The following COL14A1 variants were observed in gnomAD, a reference collection of about 807,000 sequenced individuals.
COL14A1 encodes collagen type XIV alpha 1 chain, also known as collagen alpha-1(XIV) chain.
COL14A1 carries 136 observed loss-of-function variants against 230.3 expected under a neutral mutation model. The ratio of observed to expected loss-of-function variants is 0.59; its 90% CI spans 0.51 to 0.68. The LOEUF (loss-of-function observed/expected upper bound fraction) is 0.68. COL14A1 is among the 30% of genes least tolerant of loss of function. The pLI, the probability that COL14A1 is intolerant of heterozygous loss-of-function variation, is 0.00. For synonymous variants in COL14A1, 792 were observed against 784.1 expected (o/e 1.01, Z -0.17); for missense variants, 1,976 against 2,215.8 (o/e 0.89, Z 2.17).
intron 13 of COL14A1, chr8:120,213,996 T>G (rs1817682395): frequency 2.6e-6 from 1 of 378,966 alleles, no homozygotes; most frequent in African/African-American, 2.2e-5. Context: ...AGAATCAGTA[T>G]GTATTGAATT....
At chr8:120,351,676 A>T (rs1822787289) in intron 45 of COL14A1, among the ~76,000 whole-genome samples, 1 of 125,746 alleles carries the variant, frequency 8.0e-6, no homozygotes, top group Non-Finnish European at 1.7e-5. Flanking sequence ...CACTCTCCCA[A>T]GACTAAACCA....
intron 5 of COL14A1, among the ~76,000 whole-genome samples, chr8:120,193,273 G>A (rs931270793): frequency 2.6e-5 from 4 of 152,156 alleles, no homozygotes; most frequent in Non-Finnish European, 5.9e-5. Flanking sequence ...CAGACAGGAC[G>A]CTCGGCTGCA....
intron 13 of COL14A1, among the ~76,000 whole-genome samples, chr8:120,215,415 G>A (rs1264154656): frequency 2.6e-5 from 4 of 151,206 alleles, no homozygotes; most frequent in Admixed American, 2.0e-4. Context: ...AAGGAAGGTA[G>A]GAAGGAAGGA....
chr8:120,176,497 T>C (rs992533250), intron 5 of COL14A1, among the ~76,000 whole-genome samples: 6 of 152,210 alleles, frequency 3.9e-5, no homozygotes, highest in Admixed American at 2.6e-4. Context: ...AGAGATTGAT[T>C]TGAAATTTTA....
chr8:120,149,030 G>A (rs59742638), intron 2 of COL14A1, among the ~76,000 whole-genome samples: 12,017 of 152,150 alleles, frequency 0.079, 1,234 homozygotes, highest in African/African-American at 0.24. Flanking sequence ...TATGTGTCCC[G>A]CAAAGCCAAA....
At chr8:120,224,044 T>TTTTTTTTTG (rs1349033999) in intron 14 of COL14A1, among the ~76,000 whole-genome samples, 1 of 144,932 alleles carries the variant, frequency 6.9e-6, no homozygotes, top group African/African-American at 2.6e-5. Flanking sequence ...TTTTTTTTTT[T>TTTTTTTTTG]GAGACAGAGT....
rs376092608 is a variant in COL14A1, at chr8:120,147,938, A to C, written c.88+8A>C. 1.9e-6 allele frequency: 3 copies of C among 1,606,400 alleles called. No individual in the cohort carries two copies. Among genetic ancestry groups the C allele is most frequent in the Non-Finnish European group, 2.6e-6 (3 of 1,173,568 alleles). ...CCATTGTCCAAGGTCAAGGTAATTGAAAACTTTGAGAATCAGTAGGGTCTG... is the reference window on the plus strand; with the variant it reads ...CCATTGTCCAAGGTCAAGGTAATTGCAAACTTTGAGAATCAGTAGGGTCTG... On this transcript the variant is annotated splice_region_variant and intron_variant, in intron 2 of 47. Transcript: ENST00000297848.
intron 19 of COL14A1, 21 bp downstream of exon 19, chr8:120,231,639 C>G (rs1281725857): frequency 1.2e-6 from 2 of 1,608,210 alleles, no homozygotes; most frequent in African/African-American, 1.3e-5. Context: ...ATTCAACTGA[C>G]TAGAAACTCT....
chr8:120,136,979 A>G (rs1814735462), intron 1 of COL14A1, among the ~76,000 whole-genome samples: 1 of 151,414 alleles, frequency 6.6e-6, no homozygotes, highest in Non-Finnish European at 1.5e-5. Flanking sequence ...AAAAAAAAAA[A>G]AAAAAAAAGG....
chr8:120,175,879 A>G (rs923675319), intron 5 of COL14A1, among the ~76,000 whole-genome samples: 1 of 152,208 alleles, frequency 6.6e-6, no homozygotes, highest in African/African-American at 2.4e-5. Context: ...TCATAATTGC[A>G]TAGGCTGTAC....
chr8:120,149,968 A>G (rs1050593224), intron 2 of COL14A1, among the ~76,000 whole-genome samples: 2 of 152,222 alleles, frequency 1.3e-5, no homozygotes, highest in Admixed American at 6.5e-5. Flanking sequence ...TGCTGGGATT[A>G]CAGGTGTGAA....
chr8:120,360,704 T>G (rs1446923465), intron 45 of COL14A1, among the ~76,000 whole-genome samples: 4 of 152,208 alleles, frequency 2.6e-5, no homozygotes, highest in African/African-American at 9.6e-5. Flanking sequence ...ACTTGTTACC[T>G]ATCTGTGTTT....
At chr8:120,335,231 G>C (rs796226304) in intron 42 of COL14A1, among the ~76,000 whole-genome samples, 30 of 152,212 alleles carry the variant, frequency 2.0e-4, no homozygotes, top group African/African-American at 7.0e-4. Context: ...TGGTGGCTCT[G>C]GATTAGACTC....
chr8:120,241,791 C>T (rs146593312), intron 19 of COL14A1, among the ~76,000 whole-genome samples: 116 of 152,128 alleles, frequency 7.6e-4, no homozygotes, highest in Admixed American at 1.8e-3. Context: ...CTTGGGGTTT[C>T]GGTATGGCTC....
chr8:120,155,683 G>A (rs1184658355), intron 2 of COL14A1, among the ~76,000 whole-genome samples: 1 of 152,054 alleles, frequency 6.6e-6, no homozygotes, highest in African/African-American at 2.4e-5. Context: ...AAACTTGGGC[G>A]ATGACATTTA....
At chr8:120,160,161 T>A (rs1586726239) in intron 3 of COL14A1, among the ~76,000 whole-genome samples, 1 of 152,198 alleles carries the variant, frequency 6.6e-6, no homozygotes, top group East Asian at 1.9e-4. Context: ...ATGACTCAGT[T>A]ATGAAATTTC....
chr8:120,308,599 C>T (rs1244159236), intron 36 of COL14A1, among the ~76,000 whole-genome samples: 1 of 152,100 alleles, frequency 6.6e-6, no homozygotes, highest in African/African-American at 2.4e-5. Context: ...TTTTTAAAAT[C>T]TAGAAGATGA....
intron 22 of COL14A1, 106 bp downstream of exon 22, chr8:120,250,872 A>G (rs971723878): frequency 1.5e-6 from 2 of 1,311,762 alleles, no homozygotes; most frequent in Non-Finnish European, 2.1e-6. Flanking sequence ...CGCTGGTGCG[A>G]TCTGGACTCA....
chr8:120,243,974 C>T lies in COL14A1; in HGVS notation c.2445C>T (p.Gly815=), dbSNP rs141223418. The change falls in exon 20 of 48, where the codon GGC becomes GGT. Residue 815 remains glycine (G), a synonymous_variant. Transcript: ENST00000297848. ...CAGTGACTCCCATCTACACGGATGG[C>T]GAAGGCGTCAGCGTCTCCGCTCCTG... ...KVTVTPIYTD[G]EGVSVSAPGK... The T allele has an allele frequency of 1.4e-4, 226 of 1,613,246 alleles. 2 individuals are homozygous for T. The highest frequency in any genetic ancestry group is 6.9e-4 in the South Asian group (63 of 91,014).
Sources: gnomAD v4.1 joint callset for allele counts (sites outside exome capture counted in the v4.1 genomes callset) on GRCh38, gnomAD v4.1.1 for gene constraint, MANE v1.5 for transcripts, NCBI Gene and HGNC (gene_info 2026-07-23, HGNC 2026-07-21) for gene names.